DMXL1: variants seen among roughly 807,000 people sequenced by gnomAD.
DMXL1 encodes dmX-like protein 1.
DMXL1 carries 99 observed loss-of-function variants against 319.2 expected under a neutral mutation model. That is an observed-to-expected ratio of 0.31 (90% CI 0.26 to 0.37). DMXL1 has a LOEUF of 0.37. DMXL1 is among the 10% of genes least tolerant of loss of function. The probability of loss-of-function intolerance (pLI) is 1.00; values close to 1 mark genes in which losing one functional copy is unlikely to be tolerated. For missense variants in DMXL1, 3,745 were observed against 3,595.6 expected, an observed-to-expected ratio of 1.04 and a Z score of -1.06; for synonymous variants, 1,385 against 1,235.2, an observed-to-expected ratio of 1.12 and a Z score of -2.54.
At chr5:119,196,543 CTGGGGGGAAAATT>C in intron 31 of DMXL1, 87 bp downstream of exon 31, 1 of 868,190 alleles carries the variant, frequency 1.2e-6, no homozygotes, top group East Asian at 2.5e-5. Flanking sequence ...TTGGTCTGGA[CTGGGGGGAAAATT>C]TAGTGATTTC....
intron 13 of DMXL1, among the ~76,000 whole-genome samples, chr5:119,139,540 CA>C (rs895197513): frequency 6.6e-6 from 1 of 152,060 alleles, no homozygotes; most frequent in African/African-American, 2.4e-5. Flanking sequence ...GGGCATTACA[CA>C]ATGGTAAAGG....
chr5:119,188,042 C>A (rs1160272914), intron 28 of DMXL1, among the ~76,000 whole-genome samples: 1 of 152,204 alleles, frequency 6.6e-6, no homozygotes, highest in Admixed American at 6.5e-5. Context: ...TTAATATTTT[C>A]ATGTCACGTG....
intron 34 of DMXL1, among the ~76,000 whole-genome samples, chr5:119,215,633 T>G (rs1019693041): frequency 2.6e-5 from 4 of 151,606 alleles, no homozygotes; most frequent in African/African-American, 9.7e-5. Context: ...CACCTGACCT[T>G]AGTTGCTATT....
At chr5:119,157,684 G>C (rs914387725) in intron 19 of DMXL1, among the ~76,000 whole-genome samples, 3 of 152,078 alleles carry the variant, frequency 2.0e-5, no homozygotes, top group African/African-American at 7.2e-5. Context: ...GTCTGTTTCT[G>C]TTTTTACACC....
intron 26 of DMXL1, among the ~76,000 whole-genome samples, chr5:119,176,327 A>G (rs1236430199): frequency 1.3e-5 from 2 of 151,726 alleles, no homozygotes; most frequent in East Asian, 1.9e-4. Context: ...TTCCTTGTTA[A>G]TTTTTGGTTG....
chr5:119,102,008 TC>T lies in DMXL1; in HGVS notation c.285+3del. On this transcript the variant is annotated splice_donor_region_variant and intron_variant, in intron 3 of 43. Transcript: ENST00000539542. ...CTACCAAAACAAAAGAAAAATTTGG[TC>T]AGTAATTTATGATTTCTTCTTTTAG... The T allele has an allele frequency of 6.3e-7, 1 of 1,574,802 alleles. No homozygotes were observed. Among genetic ancestry groups the T allele is most frequent in the Non-Finnish European group, 8.7e-7 (1 of 1,149,642 alleles).
intron 15 of DMXL1, among the ~76,000 whole-genome samples, chr5:119,145,176 C>T (rs902043229): frequency 6.6e-6 from 1 of 151,778 alleles, no homozygotes. Context: ...AAATGGCATT[C>T]TTGAATATCA....
Position 119,149,562 on chromosome 5 carries a change from T to C in DMXL1, c.3735T>C (p.Ser1245=). Residue 1245 remains serine, a synonymous_variant, in exon 18 of 44, where the codon TCT becomes TCC. Transcript: ENST00000539542. ...TGTATTGCCAATGGCAACCATCTTC[T>C]AAACAAGAACCTGTTATAACAGATT... ...MHVYCQWQPS[S]KQEPVITDSY... 6.2e-7 allele frequency: 1 copy of C among 1,613,940 alleles called. No homozygotes were observed. Among genetic ancestry groups the C allele is most frequent in the Non-Finnish European group, 8.5e-7 (1 of 1,179,912 alleles).
At chr5:119,145,140 C>G (rs780737545) in intron 15 of DMXL1, among the ~76,000 whole-genome samples, 1 of 151,732 alleles carries the variant, frequency 6.6e-6, no homozygotes. Flanking sequence ...TCATCACTTG[C>G]GATTACAGAG....
At chr5:119,240,987 A>G (rs1024501360) in intron 42 of DMXL1, among the ~76,000 whole-genome samples, 5 of 152,204 alleles carry the variant, frequency 3.3e-5, no homozygotes, top group Non-Finnish European at 7.3e-5. Flanking sequence ...CCCTTGAACA[A>G]CATAAGGATT....
chr5:119,148,211 A>AC (rs1561719451), intron 17 of DMXL1, among the ~76,000 whole-genome samples: 3 of 152,198 alleles, frequency 2.0e-5, no homozygotes, highest in Non-Finnish European at 4.4e-5. Context: ...CTGTAAAGTG[A>AC]CCATTCAGTA....
chr5:119,099,568 G>T (rs1382097520), intron 2 of DMXL1, among the ~76,000 whole-genome samples: 1 of 151,992 alleles, frequency 6.6e-6, no homozygotes, highest in Non-Finnish European at 1.5e-5. Flanking sequence ...CTTTTGTTCT[G>T]TAATCTTTCT....
chr5:119,123,321 G>GGGGAGAGGGAGAGAA (rs1762655876), intron 9 of DMXL1, among the ~76,000 whole-genome samples: 1 of 74,894 alleles, frequency 1.3e-5, no homozygotes, highest in Admixed American at 1.5e-4. Flanking sequence ...ACCGTGGAAA[G>GGGGAGAGGGAGAGAA]GGGAGAGGGA....
intron 32 of DMXL1, among the ~76,000 whole-genome samples, chr5:119,202,711 C>G (rs1251552969): frequency 1.3e-5 from 2 of 151,260 alleles, no homozygotes; most frequent in Non-Finnish European, 2.9e-5. Context: ...ATTAGCTGGG[C>G]ATGGTGGCAG....
chr5:119,084,060 A>G (rs962216932), intron 1 of DMXL1, among the ~76,000 whole-genome samples: 2 of 151,878 alleles, frequency 1.3e-5, no homozygotes, highest in Non-Finnish European at 2.9e-5. Flanking sequence ...ACATTTTTTC[A>G]TATACCTGTT....
intron 19 of DMXL1, among the ~76,000 whole-genome samples, chr5:119,153,484 A>G (rs1290988509): frequency 2.0e-5 from 3 of 152,350 alleles, no homozygotes; most frequent in East Asian, 1.9e-4. Flanking sequence ...ACAATACACT[A>G]TTATTAAAGG....
chr5:119,134,270 G>A lies in DMXL1; in HGVS notation c.2257G>A (p.Ala753Thr), dbSNP rs1290091008. 3 of 1,610,114 alleles carry A rather than the reference G, an allele frequency of 1.9e-6. No individual in the cohort carries two copies. The African/African-American group carries it at 4.0e-5, about 22-fold the overall frequency. ...TAATATTTGTAAATACTTTCTAGGTGCATACTGCAACTCTCCTAGTGCATG... is the reference window on the plus strand; with the variant it reads ...TAATATTTGTAAATACTTTCTAGGTACATACTGCAACTCTCCTAGTGCATG... ...PTLIPSYCLG[A>T]YCNSPSACFV... Residue 753 changes from alanine to threonine, a missense_variant and splice_region_variant, in exon 13 of 44, where the codon GCA (alanine) becomes ACA (threonine). Physicochemically the swap from Ala to Thr is moderately conservative, Grantham distance 58. This residue lies in a region of DMXL1 where 2,096 missense variants were observed against 1,985.4 expected (regional missense o/e 1.06). Coordinates refer to ENST00000539542, the MANE Select transcript of DMXL1 (RefSeq NM_001290321.3).
intron 34 of DMXL1, among the ~76,000 whole-genome samples, chr5:119,209,348 ATT>A (rs34115254): frequency 2.6e-4 from 35 of 137,164 alleles, no homozygotes; most frequent in African/African-American, 3.0e-4. Context: ...ATCCCATTCT[ATT>A]TTTTTTTTTT....
At chr5:119,080,852 A>G (rs1218681088) in intron 1 of DMXL1, among the ~76,000 whole-genome samples, 14 of 152,084 alleles carry the variant, frequency 9.2e-5, no homozygotes. Context: ...TTCCATTTAC[A>G]CAGTAAGAAA....
Sources: gnomAD v4.1 joint callset for allele counts (sites outside exome capture counted in the v4.1 genomes callset) on GRCh38, gnomAD v4.1.1 for gene constraint, gnomAD v4.1.1 regional missense constraint, MANE v1.5 for transcripts, NCBI Gene and HGNC (gene_info 2026-07-23, HGNC 2026-07-21) for gene names.